Variants in PDLIM2 observed in about 807,000 individuals in gnomAD.
PDLIM2 encodes PDZ and LIM domain 2, also known as PDZ and LIM domain protein 2.
In PDLIM2, 51 loss-of-function variants were observed where a neutral mutation model predicts 54.1. The ratio of observed to expected loss-of-function variants is 0.94; its 90% confidence interval spans 0.75 to 1.19. The LOEUF is 1.19. Ranked by LOEUF, PDLIM2 falls within the 50% of genes most tolerant of loss-of-function variation. The probability of loss-of-function intolerance (pLI) is 0.00; values close to 1 mark genes in which losing one functional copy is unlikely to be tolerated. For synonymous variants in PDLIM2, 398 were observed against 385.6 expected (o/e 1.03, Z -0.38); for missense variants, 912 against 874.0 (o/e 1.04, Z -0.55).
chr8:22,578,813 A>G, exon 1 of PDLIM2: 1 of 1,233,996 alleles, frequency 8.1e-7, no homozygotes, highest in Non-Finnish European at 1.0e-6. Flanking sequence ...GGCGTGGGAG[A>G]GCTTTATGGG....
chr8:22,589,401 T>G, intron 7 of PDLIM2, 27 bp downstream of exon 6: 2 of 1,535,540 alleles, frequency 1.3e-6, no homozygotes, highest in South Asian at 1.2e-5. Context: ...GAGGGTCGGG[T>G]TGGGGTCTTG....
exon 7 of PDLIM2, chr8:22,589,306 C>T (rs1295895926): frequency 8.5e-6 from 13 of 1,533,932 alleles, no homozygotes; most frequent in Admixed American, 3.9e-5. Context: ...AGGCCGGCCT[C>T]GGCCGCGCTG....
At chr8:22,589,661 A>G (rs947727623) in exon 8 of PDLIM2, 4 of 1,586,920 alleles carry the variant, frequency 2.5e-6, no homozygotes, top group Admixed American at 3.5e-5. Flanking sequence ...ATGCTGCAGG[A>G]AAATCGCGAG....
intron 1 of PDLIM2, chr8:22,580,264 G>A (rs1343465376): frequency 5.3e-6 from 2 of 377,350 alleles, no homozygotes; most frequent in Non-Finnish European, 1.0e-5. Flanking sequence ...GGAGACTGAG[G>A]GGGTGCTGGC....
chr8:22,579,358 G>A, exon 1 of PDLIM2: 2 of 1,468,796 alleles, frequency 1.4e-6, no homozygotes, highest in Non-Finnish European at 1.8e-6. Flanking sequence ...CAGCGGGGGC[G>A]CCCCCGCGAG....
exon 3 of PDLIM2, chr8:22,581,492 C>A: frequency 6.2e-7 from 1 of 1,601,398 alleles, no homozygotes; most frequent in Non-Finnish European, 8.5e-7. Flanking sequence ...AGAGCAAGAT[C>A]CGCCAGAGCC....
Position 22,578,959 on chromosome 8 carries a change from A to AG in PDLIM2, c.185dup (p.Gly64TrpfsTer30). The AG allele has an allele frequency of 8.1e-7, 1 of 1,240,100 alleles. No individual in the cohort carries two copies. Among genetic ancestry groups the AG allele is most frequent in the South Asian group, 3.9e-5 (1 of 25,620 alleles). The allele number at this position is 1,240,100 out of a possible 1,614,324, so 76.8% of individuals were successfully genotyped here. The stretch of plus-strand genomic sequence containing the variant: ...CACCGGCTGGACGGTCGCAGCCTGC[A>AG]GGGGGCCCTGGGGACAGCCTGCCTC... On this transcript the variant is annotated frameshift_variant, in exon 1 of 10. Transcript: ENST00000308354. LOFTEE classifies it high-confidence loss of function.
At chr8:22,589,511 CCACGCTCTTCTCCTG>C in intron 7 of PDLIM2, 70 bp from the exon 7 acceptor site, 1 of 1,498,340 alleles carries the variant, frequency 6.7e-7, no homozygotes, top group Non-Finnish European at 9.1e-7. Context: ...TCCCCCTCCC[CCACGCTCTTCTCCTG>C]CCCCCCACCC....
intron 4 of PDLIM2, 51 bp from the exon 4 acceptor site, chr8:22,584,966 G>A (rs776507779): frequency 1.9e-5 from 30 of 1,613,436 alleles, no homozygotes; most frequent in South Asian, 3.3e-5. Context: ...AGGGCAGGGC[G>A]GCCTTGGCGG....
exon 10 of PDLIM2, chr8:22,594,036 G>T: frequency 6.9e-7 from 1 of 1,454,588 alleles, no homozygotes; most frequent in Non-Finnish European, 9.0e-7. Flanking sequence ...AGGCCCCTTT[G>T]TCCTCGCTGG....
chr8:22,581,249 C>T, intron 2 of PDLIM2, 130 bp from the exon 2 acceptor site: 4 of 1,198,870 alleles, frequency 3.3e-6, no homozygotes, highest in Non-Finnish European at 3.5e-6. Flanking sequence ...CATGAGCAGG[C>T]AGAGGGACAT....
chr8:22,592,525 T>C (rs1800581713), intron 9 of PDLIM2: 1 of 152,242 alleles, frequency 6.6e-6, no homozygotes, highest in African/African-American at 2.4e-5. Flanking sequence ...TCCCTTAACC[T>C]CTCTGGGCTT....
At chr8:22,589,529 C>T (rs1563871969) in intron 7 of PDLIM2, 67 bp from the exon 7 acceptor site, 1 of 1,547,502 alleles carries the variant, frequency 6.5e-7, no homozygotes, top group South Asian at 1.2e-5. Context: ...TTCTCCTGCC[C>T]CCCACCCCCT....
downstream of PDLIM2, chr8:22,594,410 C>CA: frequency 6.4e-7 from 1 of 1,571,988 alleles, no homozygotes; most frequent in South Asian, 1.2e-5. Context: ...CTTTTCCCTC[C>CA]CTCAAATCCC....
chr8:22,593,701 G>A, intron 9 of PDLIM2, 32 bp from the exon 9 acceptor site: 1 of 1,542,274 alleles, frequency 6.5e-7, no homozygotes, highest in Non-Finnish European at 8.8e-7. Context: ...TGGTGCTGTG[G>A]CTCTGAGCTA....
At chr8:22,591,409 C>A in intron 8 of PDLIM2, 142 bp from the exon 8 acceptor site, 2 of 735,986 alleles carry the variant, frequency 2.7e-6, no homozygotes, top group Non-Finnish European at 2.4e-6. Context: ...AGATCACCTT[C>A]CTCCTTACCT....
chr8:22,597,704 T>C (rs1451125429), downstream of PDLIM2: 1 of 152,460 alleles, frequency 6.6e-6, no homozygotes, highest in African/African-American at 2.4e-5. Flanking sequence ...GGCTCCCTCC[T>C]ACCCAGGGAG....
At chr8:22,594,836 G>A, downstream of PDLIM2, 1 of 886,960 alleles carries the variant, frequency 1.1e-6, no homozygotes, top group Non-Finnish European at 1.6e-6. Flanking sequence ...GGCCTGAGGA[G>A]CCCTCCTGGA....
At chr8:22,579,373 G>A in exon 1 of PDLIM2, 1 of 1,490,624 alleles carries the variant, frequency 6.7e-7, no homozygotes, top group Non-Finnish European at 8.9e-7. Context: ...CGCGAGCTGC[G>A]CTCTCCCCGG....
Sources: gnomAD v4.1 joint callset for allele counts on GRCh38, gnomAD v4.1.1 for gene constraint, MANE v1.5 for transcripts, NCBI Gene and HGNC (gene_info 2026-07-23, HGNC 2026-07-21) for gene names.